The following CERS3 variants were observed in gnomAD, a reference collection of about 807,000 sequenced individuals.
The protein encoded by CERS3 is ceramide synthase 3.
In CERS3, 33 loss-of-function variants were observed where a neutral mutation model predicts 50.3. The ratio of observed to expected loss-of-function variants is 0.66; its 90% CI spans 0.50 to 0.88. CERS3 has a LOEUF of 0.88. Among genes scored for constraint, CERS3 ranks in the 40% least tolerant of loss-of-function variants. CERS3 has a pLI of 0.00. For synonymous variants in CERS3, 176 were observed against 155.2 expected (o/e 1.13, Z -0.99); for missense variants, 470 against 460.3 (o/e 1.02, Z -0.19).
chr15:100,496,223 T>G (rs1035805065), intron 3 of CERS3, among the ~76,000 whole-genome samples: 1 of 152,230 alleles, frequency 6.6e-6, no homozygotes, highest in Non-Finnish European at 1.5e-5. Flanking sequence ...GCACAAATTC[T>G]TGTACTCAAA....
Position 100,465,519 on chromosome 15 carries a change from C to G in CERS3, c.845+3859G>C, listed in dbSNP as rs150673950. ...AGCTCCCTCTCTGATTGACATACTT[C>G]CTTCAGAGACCATTGAAAATTGATC... is the stretch of plus-strand genomic sequence containing the variant. On this transcript the variant is annotated intron_variant, in intron 10 of 11. Coordinates refer to ENST00000679737, the MANE Select transcript of CERS3 (RefSeq NM_001378789.1). Among the ~76,000 whole-genome samples the G allele has an allele frequency of 1.8e-3, 276 of 152,268 alleles. 2 individuals are homozygous for G. Among genetic ancestry groups the G allele is most frequent in the African/African-American group, 5.8e-3 (239 of 41,540 alleles).
chr15:100,410,715 T>A (rs79732209), intron 11 of CERS3, among the ~76,000 whole-genome samples: 2,138 of 152,308 alleles, frequency 0.014, 31 homozygotes, highest in South Asian at 0.028. Context: ...GGTATCAAAT[T>A]TTTTAGACAC....
upstream of CERS3, among the ~76,000 whole-genome samples, chr15:100,532,854 AGGGACAT>A (rs2036971301): frequency 6.6e-6 from 1 of 152,220 alleles, no homozygotes; most frequent in East Asian, 1.9e-4. Flanking sequence ...GGAATTCTCA[AGGGACAT>A]GACTTAGCCA....
At position 100,472,860 on chromosome 15, in the gene CERS3, T is replaced by C. The variant is rs576674543; in HGVS notation, c.738+64A>G. 95 of 1,601,072 alleles carry C rather than the reference T, an allele frequency of 5.9e-5. No individual in the cohort carries two copies. In the African/African-American group the frequency reaches 9.1e-4, roughly 15 times the overall value. Reference sequence around the variant, plus strand: ...CTGCTAAATTGCTCACAATTACTTCTGTGAGCAGTTACGGAAACCCAGGAC... The same window carrying C: ...CTGCTAAATTGCTCACAATTACTTCCGTGAGCAGTTACGGAAACCCAGGAC... On this transcript the variant is annotated intron_variant, in intron 9 of 11. Coordinates refer to ENST00000679737, the MANE Select transcript of CERS3 (RefSeq NM_001378789.1).
At chr15:100,504,191 CT>C (rs1480786676) in intron 2 of CERS3, among the ~76,000 whole-genome samples, 1 of 151,702 alleles carries the variant, frequency 6.6e-6, no homozygotes, top group Non-Finnish European at 1.5e-5. Context: ...GCCTCCACAC[CT>C]GCAAGGCTGT....
chr15:100,405,621 A>G (rs1405513012), intron 11 of CERS3, among the ~76,000 whole-genome samples: 1 of 152,202 alleles, frequency 6.6e-6, no homozygotes, highest in Non-Finnish European at 1.5e-5. Context: ...CATGAATATC[A>G]TTTTCATGAC....
chr15:100,428,969 C>G (rs1187485053), intron 11 of CERS3, among the ~76,000 whole-genome samples: 1 of 152,154 alleles, frequency 6.6e-6, no homozygotes, highest in East Asian at 1.9e-4. Flanking sequence ...AGAGGCCCTG[C>G]GATGTGAGAG....
intron 10 of CERS3, among the ~76,000 whole-genome samples, chr15:100,467,874 G>GATAGATAGATAGATATAGATATAGAT (rs779460605): frequency 3.5e-4 from 16 of 45,936 alleles, no homozygotes; most frequent in African/African-American, 7.9e-4. Flanking sequence ...TAGATAGATA[G>GATAGATAGATAGATATAGATATAGAT]ATAGATATAG....
intron 11 of CERS3, among the ~76,000 whole-genome samples, chr15:100,423,010 A>G (rs113838078): frequency 1.3e-5 from 2 of 151,318 alleles, no homozygotes; most frequent in Non-Finnish European, 2.9e-5. Context: ...TGGGTGCAGC[A>G]CACCAGCATG....
intron 11 of CERS3, among the ~76,000 whole-genome samples, chr15:100,428,180 A>G (rs1254208314): frequency 1.3e-5 from 2 of 152,228 alleles, no homozygotes; most frequent in Non-Finnish European, 2.9e-5. Flanking sequence ...TCTCAAAAGG[A>G]AATGGCTGGC....
At chr15:100,436,063 T>C (rs958192171) in intron 11 of CERS3, among the ~76,000 whole-genome samples, 4 of 152,170 alleles carry the variant, frequency 2.6e-5, no homozygotes, top group South Asian at 4.1e-4. Flanking sequence ...GACAGTGTGG[T>C]GAATTTCACA....
intron 11 of CERS3, among the ~76,000 whole-genome samples, chr15:100,415,450 C>A (rs1042130346): frequency 3.3e-5 from 5 of 152,116 alleles, no homozygotes; most frequent in South Asian, 4.1e-4. Flanking sequence ...TGGGCATATA[C>A]CCAAAGAGAT....
intron 11 of CERS3, among the ~76,000 whole-genome samples, chr15:100,426,322 A>T (rs188254506): frequency 6.6e-6 from 1 of 152,366 alleles, no homozygotes; most frequent in East Asian, 1.9e-4. Flanking sequence ...ATACATCAAT[A>T]TGAATAGTCT....
intron 11 of CERS3, among the ~76,000 whole-genome samples, chr15:100,451,093 G>A (rs1236806627): frequency 1.3e-5 from 2 of 151,968 alleles, no homozygotes; most frequent in Non-Finnish European, 2.9e-5. Context: ...ATATCTACCA[G>A]CATGAAAACA....
At chr15:100,516,523 G>T (rs568329323) in intron 2 of CERS3, among the ~76,000 whole-genome samples, 1 of 152,198 alleles carries the variant, frequency 6.6e-6, no homozygotes, top group East Asian at 1.9e-4. Flanking sequence ...CTGGGTAAGC[G>T]TTATACAGTA....
At chr15:100,513,540 C>CTTTTTTT (rs11428048) in intron 2 of CERS3, among the ~76,000 whole-genome samples, 3 of 143,922 alleles carry the variant, frequency 2.1e-5, no homozygotes, top group Non-Finnish European at 3.0e-5. Context: ...GTTTTCTTTT[C>CTTTTTTT]TTTTTTTTTT....
chr15:100,536,087 T>G (rs1486153770), intron 1 of CERS3, among the ~76,000 whole-genome samples: 8 of 138,010 alleles, frequency 5.8e-5, no homozygotes, highest in African/African-American at 2.3e-4. Context: ...TGTGCTCATA[T>G]GTGCACGGGA....
chr15:100,424,643 A>T (rs1027504968), intron 11 of CERS3, among the ~76,000 whole-genome samples: 8 of 152,222 alleles, frequency 5.3e-5, no homozygotes, highest in African/African-American at 1.7e-4. Flanking sequence ...TATCTGGTAG[A>T]AGAAATTTTT....
chr15:100,537,563 G>C (rs543571558), intron 1 of CERS3, among the ~76,000 whole-genome samples: 1 of 152,194 alleles, frequency 6.6e-6, no homozygotes, highest in East Asian at 1.9e-4. Context: ...AGTGCCAAGC[G>C]AAGTGGGGAA....
Sources: gnomAD v4.1 joint callset for allele counts (sites outside exome capture counted in the v4.1 genomes callset) on GRCh38, gnomAD v4.1.1 for gene constraint, MANE v1.5 for transcripts, NCBI Gene and HGNC (gene_info 2026-07-23, HGNC 2026-07-21) for gene names.